Variants in ANK2 observed in about 807,000 individuals in gnomAD.
The protein encoded by ANK2 is ankyrin 2.
In ANK2, 83 loss-of-function variants were observed where a neutral mutation model predicts 360.5. The observed-to-expected ratio is 0.23, with a 90% CI of 0.19 to 0.28. The LOEUF is 0.28. Ranked by LOEUF, ANK2 falls within the 10% of genes least tolerant of loss-of-function variation. The pLI is 1.00. For missense variants in ANK2, 4,201 were observed against 4,795.7 expected (o/e 0.88, Z 3.66); for synonymous variants, 1,740 against 1,759.5 (o/e 0.99, Z 0.28).
At chr4:113,366,185 A>C (rs2096527128) in intron 41 of ANK2, among the ~76,000 whole-genome samples, 1 of 151,912 alleles carries the variant, frequency 6.6e-6, no homozygotes, top group South Asian at 2.1e-4. Flanking sequence ...TCCTGTCTCT[A>C]CTTCCTCTCT....
the ANK2 span, among the ~76,000 whole-genome samples, chr4:112,791,867 T>G: frequency 6.6e-6 from 1 of 152,056 alleles, no homozygotes; most frequent in African/African-American, 2.4e-5. Flanking sequence ...TTGGATAGAA[T>G]TCCCACATCT....
chr4:112,837,952 G>A (rs772148459), intron 1 of ANK2, among the ~76,000 whole-genome samples: 4 of 152,164 alleles, frequency 2.6e-5, no homozygotes, highest in Non-Finnish European at 5.9e-5. Context: ...TAAGACTTTG[G>A]GGGACTATTG....
chr4:112,997,203 A>T (rs1485484650), intron 2 of ANK2, among the ~76,000 whole-genome samples: 3 of 152,192 alleles, frequency 2.0e-5, no homozygotes, highest in African/African-American at 7.2e-5. Flanking sequence ...GAATGGCTAA[A>T]TCAAGCTAAT....
At chr4:112,982,796 C>G (rs188689516) in intron 2 of ANK2, among the ~76,000 whole-genome samples, 1 of 152,096 alleles carries the variant, frequency 6.6e-6, no homozygotes, top group Admixed American at 6.6e-5. Context: ...ACTGTTTACA[C>G]CTTTCAGTTA....
At position 112,943,744 on chromosome 4, in the gene ANK2, G is replaced by A. The variant is rs907563929; in HGVS notation, c.21+39230G>A. Among the ~76,000 whole-genome samples, 3 of 151,968 alleles carry A rather than the reference G, an allele frequency of 2.0e-5. No individual in the cohort carries two copies. The East Asian group carries it at 5.8e-4, about 29-fold the overall frequency. Reference sequence around the variant, plus strand: ...GTTTCACAAAAATAATAGTAAAATCGAGCCTACATTGTTTTTCTTCTTTCC... The same window carrying A: ...GTTTCACAAAAATAATAGTAAAATCAAGCCTACATTGTTTTTCTTCTTTCC... On this transcript the variant is annotated intron_variant, in intron 2 of 30. Coordinates refer to the ANK2 transcript ENST00000503271.
intron 7 of ANK2, among the ~76,000 whole-genome samples, chr4:113,238,203 A>G (rs1055732563): frequency 6.6e-5 from 10 of 152,240 alleles, no homozygotes; most frequent in Non-Finnish European, 1.5e-4. Flanking sequence ...CAATAAGAAC[A>G]TTAAGTTCAG....
chr4:113,306,241 G>A (rs878888409), intron 23 of ANK2, among the ~76,000 whole-genome samples: 4 of 152,202 alleles, frequency 2.6e-5, no homozygotes, highest in Admixed American at 2.6e-4. Flanking sequence ...TCAGGAGCTA[G>A]ATATACCTAA....
intron 1 of ANK2, among the ~76,000 whole-genome samples, chr4:113,109,527 G>C (rs1581835993): frequency 6.6e-6 from 1 of 152,132 alleles, no homozygotes; most frequent in Non-Finnish European, 1.5e-5. Context: ...ACTGTGAAGA[G>C]GGCTCCCTAT....
intron 1 of ANK2, among the ~76,000 whole-genome samples, chr4:113,118,991 C>A (rs2095123276): frequency 6.6e-6 from 1 of 152,072 alleles, no homozygotes; most frequent in Non-Finnish European, 1.5e-5. Context: ...ATGTTTTTCC[C>A]TTTCCAAACC....
chr4:113,305,086 A>G (rs981106156), intron 23 of ANK2, among the ~76,000 whole-genome samples: 3 of 151,976 alleles, frequency 2.0e-5, no homozygotes, highest in East Asian at 1.9e-4. Context: ...CACGCCTGTA[A>G]TCCCAGCACT....
At chr4:113,081,291 A>C (rs1057485244) in intron 1 of ANK2, among the ~76,000 whole-genome samples, 1 of 152,180 alleles carries the variant, frequency 6.6e-6, no homozygotes, top group African/African-American at 2.4e-5. Context: ...GATGGTCTTT[A>C]ATTTTGAAAG....
the ANK2 span, among the ~76,000 whole-genome samples, chr4:112,712,928 G>A: frequency 6.1e-4 from 92 of 152,030 alleles, no homozygotes; most frequent in African/African-American, 1.8e-3. Flanking sequence ...CTTAAGAGTC[G>A]TGTAACCATC....
At chr4:113,031,089 G>C (rs1351232818) in intron 2 of ANK2, among the ~76,000 whole-genome samples, 1 of 151,950 alleles carries the variant, frequency 6.6e-6, no homozygotes, top group Non-Finnish European at 1.5e-5. Flanking sequence ...ATATTTGCTT[G>C]CTTGAAAAAT....
At chr4:113,372,635 G>C in intron 43 of ANK2, 6 of 1,518,990 alleles carry the variant, frequency 3.9e-6, no homozygotes, top group Non-Finnish European at 5.3e-6. Context: ...GGTACCCACT[G>C]TTAAATTACT....
intron 4 of ANK2, among the ~76,000 whole-genome samples, chr4:113,211,512 T>G (rs1270318265): frequency 6.6e-6 from 1 of 152,186 alleles, no homozygotes; most frequent in Non-Finnish European, 1.5e-5. Context: ...TGACCAAAAA[T>G]TGTGGAAGCA....
At chr4:113,049,583 C>T (rs1289414332), upstream of ANK2, 10 of 1,470,948 alleles carry the variant, frequency 6.8e-6, no homozygotes, top group South Asian at 1.2e-5. Context: ...GCCATGGCAA[C>T]GTCACCGTCC....
At chr4:112,858,836 T>C (rs1427214839) in intron 1 of ANK2, among the ~76,000 whole-genome samples, 1 of 152,226 alleles carries the variant, frequency 6.6e-6, no homozygotes, top group Non-Finnish European at 1.5e-5. Context: ...TCAACAACTG[T>C]TGGATTTGTT....
chr4:113,212,914 T>C (rs1378482996), intron 4 of ANK2, among the ~76,000 whole-genome samples: 1 of 152,256 alleles, frequency 6.6e-6, no homozygotes, highest in Non-Finnish European at 1.5e-5. Flanking sequence ...TTTGTGTGAC[T>C]GGCTTGTTTC....
At chr4:113,376,676 AAC>A (rs1466167493) in intron 45 of ANK2, among the ~76,000 whole-genome samples, 1 of 152,192 alleles carries the variant, frequency 6.6e-6, no homozygotes, top group African/African-American at 2.4e-5. Context: ...CTTTTGTAAT[AAC>A]ACAAGTTAAG....
Sources: allele counts gnomAD v4.1 joint callset (sites outside exome capture counted in the v4.1 genomes callset), GRCh38; gene constraint gnomAD v4.1.1; transcripts MANE v1.5; gene names NCBI Gene and HGNC (gene_info 2026-07-23, HGNC 2026-07-21).